The following ZCWPW1 variants were observed in gnomAD, a reference collection of about 807,000 sequenced individuals.
ZCWPW1 encodes zinc finger CW-type PWWP domain protein 1.
In ZCWPW1, 56 loss-of-function variants were observed where a neutral mutation model predicts 81.3. The ratio of observed to expected loss-of-function variants is 0.69; its 90% CI spans 0.56 to 0.86. The LOEUF is 0.86. Among genes scored for constraint, ZCWPW1 ranks in the 40% least tolerant of loss-of-function variants. The pLI is 0.00. For missense variants in ZCWPW1, 650 were observed against 769.8 expected (o/e 0.84, Z 1.84); for synonymous variants, 250 against 273.7 (o/e 0.91, Z 0.86).
At chr7:100,417,399 C>T in intron 5 of ZCWPW1, 1 of 486,238 alleles carries the variant, frequency 2.1e-6, no homozygotes, top group Non-Finnish European at 3.6e-6. Flanking sequence ...CCAGGATGGC[C>T]AGGTAATGAT....
In ZCWPW1 at chr7:100,416,021, A is replaced by G; in HGVS notation, c.708T>C (p.Asp236=). Residue 236 remains aspartate, a synonymous_variant, in exon 8 of 18, where the codon GAT becomes GAC. Coordinates refer to ENST00000684423, the MANE Select transcript of ZCWPW1 (RefSeq NM_001386010.1). ...QEDRLKKTVQ[D]HSQIRDQQKG... ...TTTGCTGGTCCCTGATCTGAGAATG[A>G]TCCTGAACTGTTTTCTTTAGTCGGT... 1 of 1,614,152 alleles carries G rather than the reference A, an allele frequency of 6.2e-7. No homozygotes were observed. Among genetic ancestry groups the G allele is most frequent in the Non-Finnish European group, 8.5e-7 (1 of 1,180,036 alleles).
At position 100,419,975 on chromosome 7, in the gene ZCWPW1, T is replaced by G. The variant is rs1311189760; in HGVS notation, c.29-92A>C. 13 of 1,058,604 alleles carry G rather than the reference T, an allele frequency of 1.2e-5. No homozygotes were observed. In the Admixed American group the frequency reaches 3.4e-4, roughly 28 times the overall value. The allele number at this position is 1,058,604 out of a possible 1,614,324, so 65.6% of individuals were successfully genotyped here. A position where few individuals can be genotyped will look rare whatever the true frequency, so the allele number is the denominator to read the frequency against. On this transcript the variant is annotated intron_variant, in intron 3 of 17. Transcript: ENST00000684423. ...CCTTTGACTAGCCATAACAGAATGA[T>G]ATGGAGAGAGCTTTTAACAAATTCA...
chr7:100,403,846 A>G (rs1172135874), intron 14 of ZCWPW1, 61 bp from the exon 15 acceptor site: 1 of 1,480,448 alleles, frequency 6.8e-7, no homozygotes, highest in Non-Finnish European at 9.4e-7. Flanking sequence ...TGAGTTAATG[A>G]AGCTGATCAC....
intron 14 of ZCWPW1, 73 bp downstream of exon 14, chr7:100,404,105 A>T (rs1792487051): frequency 6.7e-7 from 1 of 1,489,668 alleles, no homozygotes; most frequent in South Asian, 1.2e-5. Flanking sequence ...AAAATAAAGA[A>T]AAACATGGGT....
intron 10 of ZCWPW1, 38 bp from the exon 11 acceptor site, chr7:100,407,341 G>A (rs373716300): frequency 5.2e-5 from 81 of 1,564,582 alleles, no homozygotes; most frequent in Non-Finnish European, 6.8e-5. Flanking sequence ...CAGAAGAGAA[G>A]GGGTTAGATG....
intron 8 of ZCWPW1, among the ~76,000 whole-genome samples, chr7:100,414,609 TCTCA>T (rs936982513): frequency 4.0e-5 from 6 of 151,850 alleles, no homozygotes; most frequent in African/African-American, 1.5e-4. Flanking sequence ...GAGATGAGGG[TCTCA>T]CTGTGTTGCC....
At chr7:100,404,126 A>G in intron 14 of ZCWPW1, 52 bp downstream of exon 14, 1 of 1,576,736 alleles carries the variant, frequency 6.3e-7, no homozygotes, top group Non-Finnish European at 8.7e-7. Flanking sequence ...TGCTGCCCTC[A>G]TGAAGGAATC....
intron 5 of ZCWPW1, among the ~76,000 whole-genome samples, chr7:100,417,768 C>T (rs139453347): frequency 7.9e-5 from 12 of 151,948 alleles, no homozygotes; most frequent in East Asian, 3.9e-4. Flanking sequence ...GTTGCTCAAA[C>T]GCCTAGGAAT....
intron 17 of ZCWPW1, 68 bp downstream of exon 17, chr7:100,401,821 G>C: frequency 6.6e-7 from 1 of 1,521,678 alleles, no homozygotes; most frequent in South Asian, 1.3e-5. Flanking sequence ...GTTAAGAAAT[G>C]ATTCAGGGAG....
intron 8 of ZCWPW1, among the ~76,000 whole-genome samples, chr7:100,413,130 C>G (rs1767532275): frequency 6.6e-6 from 1 of 152,190 alleles, no homozygotes; most frequent in Non-Finnish European, 1.5e-5. Context: ...TCCCCATACT[C>G]CATCTCCAAT....
At chr7:100,419,590 G>T in intron 4 of ZCWPW1, 40 bp downstream of exon 4, 2 of 1,571,822 alleles carry the variant, frequency 1.3e-6, no homozygotes, top group South Asian at 2.4e-5. Context: ...GGTAAGGTAT[G>T]AGAAAATCTC....
intron 8 of ZCWPW1, among the ~76,000 whole-genome samples, chr7:100,413,796 T>C (rs1431594645): frequency 6.6e-6 from 1 of 152,110 alleles, no homozygotes; most frequent in Non-Finnish European, 1.5e-5. Flanking sequence ...TCTCACTATG[T>C]TACCCAGGCT....
chr7:100,400,955 C>A lies in ZCWPW1; in HGVS notation c.*59G>T. 1 of 1,506,516 alleles carries A rather than the reference C, an allele frequency of 6.6e-7. No homozygotes were observed. Among genetic ancestry groups the A allele is most frequent in the African/African-American group, 1.4e-5 (1 of 71,786 alleles). The allele number at this position is 1,506,516 out of a possible 1,614,324, so 93.3% of individuals were successfully genotyped here. A position where few individuals can be genotyped will look rare whatever the true frequency, so the allele number is the denominator to read the frequency against. On this transcript the variant is annotated 3_prime_UTR_variant, in exon 18 of 18. Coordinates refer to ENST00000684423, the MANE Select transcript of ZCWPW1 (RefSeq NM_001386010.1). ...GCCAATGAACAGACCCAGCACTTAG[C>A]AACTTCTCCCTCCTGCGCCCCAGAG...
At position 100,420,616 on chromosome 7, in the gene ZCWPW1, A is replaced by G; in HGVS notation, c.28+6T>C. 6.2e-7 allele frequency: 1 copy of G among 1,613,970 alleles called. No homozygotes were observed. Among genetic ancestry groups the G allele is most frequent in the Non-Finnish European group, 8.5e-7 (1 of 1,179,994 alleles). ...ATGAAGCGAACCTCCCTCACTCTTG[A>G]CTCACCTTCTTTATTCTGCAACGTT... On this transcript the variant is annotated splice_donor_region_variant and intron_variant, in intron 3 of 17. Transcript: ENST00000684423.
At chr7:100,414,318 A>T (rs1794764073) in intron 8 of ZCWPW1, among the ~76,000 whole-genome samples, 1 of 151,726 alleles carries the variant, frequency 6.6e-6, no homozygotes, top group Admixed American at 6.6e-5. Context: ...TTTTTATTCC[A>T]CTGTTTCTTA....
At chr7:100,411,052 TAACA>T (rs1794055723) in intron 8 of ZCWPW1, among the ~76,000 whole-genome samples, 1 of 152,172 alleles carries the variant, frequency 6.6e-6, no homozygotes, top group Admixed American at 6.6e-5. Context: ...AAAAATCACA[TAACA>T]GACACATAGG....
intron 1 of ZCWPW1, among the ~76,000 whole-genome samples, chr7:100,427,654 G>C (rs2130952074): frequency 6.6e-6 from 1 of 150,506 alleles, no homozygotes; most frequent in East Asian, 2.0e-4. Flanking sequence ...AGCCGAGACT[G>C]CGCCACTGCA....
chr7:100,402,482 TG>T (rs1457761253), intron 16 of ZCWPW1, 33 bp downstream of exon 16: 1 of 1,611,382 alleles, frequency 6.2e-7, no homozygotes, highest in Non-Finnish European at 8.5e-7. Flanking sequence ...GCCTTAACTG[TG>T]GGTTGTGCTC....
chr7:100,406,293 C>T (rs1428727128), intron 12 of ZCWPW1, among the ~76,000 whole-genome samples: 1 of 152,094 alleles, frequency 6.6e-6, no homozygotes, highest in Admixed American at 6.5e-5. Flanking sequence ...TGGTTAGATG[C>T]CGCTGGAGCC....
Sources: gnomAD v4.1 joint callset for allele counts (sites outside exome capture counted in the v4.1 genomes callset) on GRCh38, gnomAD v4.1.1 for gene constraint, MANE v1.5 for transcripts, NCBI Gene and HGNC (gene_info 2026-07-23, HGNC 2026-07-21) for gene names.